The following USP24 variants were observed in gnomAD, a reference collection of about 807,000 sequenced individuals.
USP24 encodes ubiquitin carboxyl-terminal hydrolase 24.
USP24 carries 97 observed loss-of-function variants against 361.6 expected under a neutral mutation model. The ratio of observed to expected loss-of-function variants is 0.27; its 90% confidence interval spans 0.23 to 0.32. The LOEUF (loss-of-function observed/expected upper bound fraction) is 0.32, where lower values mean the gene tolerates loss of function less well. Among genes scored for constraint, USP24 ranks in the 10% least tolerant of loss-of-function variants. USP24 has a pLI of 1.00. For missense variants in USP24, 2,353 were observed against 3,165.6 expected (o/e 0.74, Z 6.16); for synonymous variants, 1,098 against 1,124.6 (o/e 0.98, Z 0.47).
chr1:55,182,507 A>T (rs80160150), intron 1 of USP24, among the ~76,000 whole-genome samples: 3,745 of 152,224 alleles, frequency 0.025, 57 homozygotes, highest in Non-Finnish European at 0.037. Flanking sequence ...ATCCATCATT[A>T]ATTTCTACAG....
At chr1:55,206,121 C>A (rs936976404) in intron 1 of USP24, among the ~76,000 whole-genome samples, 10 of 152,146 alleles carry the variant, frequency 6.6e-5, no homozygotes, top group Non-Finnish European at 1.3e-4. Flanking sequence ...CGTTTTATTT[C>A]ATTTCATTTA....
Position 55,124,828 on chromosome 1 carries a change from G to A in USP24, c.3961-200C>T, listed in dbSNP as rs145671044. Among the ~76,000 whole-genome samples the A allele has an allele frequency of 1.8e-4, 27 of 152,242 alleles. No individual in the cohort carries two copies. The East Asian group carries it at 5.2e-3, about 29-fold the overall frequency. On this transcript the variant is annotated intron_variant, in intron 34 of 67. Transcript: ENST00000294383. ...ATCTGTAAAACAGATTGATCTTCAT[G>A]CTGTGGCTTCAAAATACGCTTTACC...
intron 38 of USP24, among the ~76,000 whole-genome samples, chr1:55,116,388 T>A (rs1420216884): frequency 2.0e-5 from 3 of 150,780 alleles, no homozygotes; most frequent in Non-Finnish European, 4.4e-5. Flanking sequence ...GTTGCCTCTT[T>A]GAATGAAAAG....
In USP24 at chr1:55,171,681, A is replaced by C. The variant is rs553607516; in HGVS notation, c.703-3T>G. On this transcript the variant is annotated splice_region_variant and splice_polypyrimidine_tract_variant and intron_variant, in intron 4 of 67. Coordinates refer to ENST00000294383, the MANE Select transcript of USP24 (RefSeq NM_015306.3). ...TATTCATTATCAGGATTGAAAGCCT[A>C]GATTCAAAGAGAACAGAGAAACATT... The C allele has an allele frequency of 1.9e-6, 3 of 1,599,416 alleles. No homozygotes were observed. The African/African-American group carries it at 4.0e-5, about 21-fold the overall frequency.
At chr1:55,104,326 A>G (rs1004176282) in intron 41 of USP24, among the ~76,000 whole-genome samples, 1 of 152,184 alleles carries the variant, frequency 6.6e-6, no homozygotes, top group African/African-American at 2.4e-5. Context: ...TAAAGATGAC[A>G]TGGGAATAAC....
chr1:55,127,617 G>T (rs938130973), intron 32 of USP24, among the ~76,000 whole-genome samples: 3 of 152,126 alleles, frequency 2.0e-5, no homozygotes, highest in African/African-American at 7.2e-5. Context: ...GGTATTTCTA[G>T]TTCTAGATCC....
intron 23 of USP24, 140 bp downstream of exon 23, chr1:55,142,602 C>A (rs1646920508): frequency 1.6e-6 from 1 of 635,066 alleles, no homozygotes; most frequent in African/African-American, 1.9e-5. Context: ...GTTCCCTATG[C>A]CACAATATGG....
At chr1:55,137,780 C>A (rs1211990033) in intron 27 of USP24, 26 bp downstream of exon 27, 2 of 1,551,342 alleles carry the variant, frequency 1.3e-6, no homozygotes, top group Admixed American at 1.9e-5. Flanking sequence ...ATTTATTATT[C>A]ATCAAAACTG....
intron 1 of USP24, among the ~76,000 whole-genome samples, chr1:55,184,165 T>C (rs1644059920): frequency 6.6e-6 from 1 of 152,124 alleles, no homozygotes; most frequent in Admixed American, 6.6e-5. Context: ...CAAATGATCC[T>C]TCCACCTCAG....
At chr1:55,171,049 G>T (rs1649395041) in intron 5 of USP24, among the ~76,000 whole-genome samples, 1 of 152,086 alleles carries the variant, frequency 6.6e-6, no homozygotes, top group South Asian at 2.1e-4. Context: ...TTAACTAAAG[G>T]ACTGTTTAGA....
intron 1 of USP24, among the ~76,000 whole-genome samples, chr1:55,181,258 C>T (rs1242829708): frequency 6.6e-6 from 1 of 152,072 alleles, no homozygotes; most frequent in Non-Finnish European, 1.5e-5. Flanking sequence ...TTTCTCCCCC[C>T]ACCCCAACAA....
chr1:55,083,818 T>C lies in USP24; in HGVS notation c.6836A>G (p.Lys2279Arg). The C allele has an allele frequency of 6.2e-7, 1 of 1,605,052 alleles. No individual in the cohort carries two copies. Among genetic ancestry groups the C allele is most frequent in the East Asian group, 2.2e-5 (1 of 44,662 alleles). ...LLDKDVPENC[K>R]NCAQYFFLFN... ...CAGGAAAAAGTACTGAGCACAGTTT[T>C]TACAATTTTCTGGGACGTCTTTGTC... The change falls in exon 57 of 68, where the codon AAA becomes AGA. Residue 2279 changes from lysine (K) to arginine (R), a missense_variant. Physicochemically the swap from Lys to Arg is conservative, Grantham distance 26. Coordinates refer to ENST00000294383, the MANE Select transcript of USP24 (RefSeq NM_015306.3).
Position 55,121,993 on chromosome 1 carries a change from A to C in USP24, c.4277-487T>G, listed in dbSNP as rs548618078. Reference sequence around the variant, plus strand: ...AGTTGCTAAAACTTCATTTCTGAATATTTATTTATTGAGAATCTACTACAC... The same window carrying C: ...AGTTGCTAAAACTTCATTTCTGAATCTTTATTTATTGAGAATCTACTACAC... On this transcript the variant is annotated intron_variant, in intron 36 of 67. Coordinates refer to ENST00000294383, the MANE Select transcript of USP24 (RefSeq NM_015306.3). Among the ~76,000 whole-genome samples the C allele has an allele frequency of 7.2e-5, 11 of 152,308 alleles. No homozygotes were observed. The East Asian group carries it at 2.1e-3, about 29-fold the overall frequency.
Position 55,146,978 on chromosome 1 carries a change from A to G in USP24, c.2201T>C (p.Ile734Thr). Residue 734 changes from isoleucine (I) to threonine (T), a missense_variant, in exon 19 of 68, where the codon ATC becomes ACC. Transcript: ENST00000294383. The part of the protein sequence containing the change: ...LYLGWNRAKE[I>T]WECLVTGQDV... Reference sequence around the variant, plus strand: ...CTGGCCAGTTACAAGACACTCCCAGATCTCCTTGGCACGATTCCAGCCCAG... The same window carrying G: ...CTGGCCAGTTACAAGACACTCCCAGGTCTCCTTGGCACGATTCCAGCCCAG... The G allele has an allele frequency of 6.2e-7, 1 of 1,611,424 alleles. No homozygotes were observed. The highest frequency in any genetic ancestry group is 1.1e-5 in the South Asian group (1 of 90,904).
At chr1:55,167,697 G>A (rs1348514440) in intron 5 of USP24, among the ~76,000 whole-genome samples, 2 of 152,156 alleles carry the variant, frequency 1.3e-5, no homozygotes, top group Non-Finnish European at 2.9e-5. Context: ...GGCGCCGAGA[G>A]AGGTCAAATG....
At position 55,143,269 on chromosome 1, in the gene USP24, ATT is replaced by A. The variant is rs1189404022; in HGVS notation, c.2440-152_2440-151del. 8 of 610,532 alleles carry A rather than the reference ATT, an allele frequency of 1.3e-5. No homozygotes were observed. The African/African-American group carries it at 1.4e-4, about 10-fold the overall frequency. The allele number at this position is 610,532 out of a possible 1,614,324, so 37.8% of individuals were successfully genotyped here. On this transcript the variant is annotated intron_variant, in intron 21 of 67. Coordinates refer to ENST00000294383, the MANE Select transcript of USP24 (RefSeq NM_015306.3). Reference sequence around the variant, plus strand: ...AAAACCTCAGCTATATGAAAATAATATTATACTGATATGGAACTTTAAAAAGC... The same window carrying A: ...AAAACCTCAGCTATATGAAAATAATAATACTGATATGGAACTTTAAAAAGC...
At chr1:55,133,085 A>G (rs1646637013) in intron 30 of USP24, among the ~76,000 whole-genome samples, 1 of 152,214 alleles carries the variant, frequency 6.6e-6, no homozygotes, top group Non-Finnish European at 1.5e-5. Context: ...TATATTTTAT[A>G]ATTACATTAG....
At chr1:55,170,587 T>C (rs1312981764) in intron 5 of USP24, among the ~76,000 whole-genome samples, 2 of 152,134 alleles carry the variant, frequency 1.3e-5, no homozygotes, top group African/African-American at 2.4e-5. Context: ...TTCTCACCTA[T>C]GAAATGGGGG....
At chr1:55,181,407 A>T (rs1445304198) in intron 1 of USP24, among the ~76,000 whole-genome samples, 1 of 152,232 alleles carries the variant, frequency 6.6e-6, no homozygotes, top group Non-Finnish European at 1.5e-5. Context: ...CAGTTTTTAA[A>T]GCGTAACACT....
Sources: gnomAD v4.1 joint callset for allele counts (sites outside exome capture counted in the v4.1 genomes callset) on GRCh38, gnomAD v4.1.1 for gene constraint, MANE v1.5 for transcripts, NCBI Gene and HGNC (gene_info 2026-07-23, HGNC 2026-07-21) for gene names.